The following UMAD1 variants were observed in gnomAD, a reference collection of about 807,000 sequenced individuals.
The protein encoded by UMAD1 is UBAP1-MVB12-associated (UMA)-domain containing protein 1.
Under a neutral mutation model 6.1 loss-of-function variants are expected in UMAD1, and 8 were observed. That is an observed-to-expected ratio of 1.30 (90% CI 0.76 to 2.35). UMAD1 has a LOEUF of 2.35. Among genes scored for constraint, UMAD1 ranks in the 30% most tolerant of loss-of-function variants. UMAD1 has a pLI of 0.00. For synonymous variants in UMAD1, 56 were observed against 31.4 expected (o/e 1.78, Z -2.61); for missense variants, 130 against 78.4 (o/e 1.66, Z -2.49).
chr7:7,825,217 G>A (rs1172717820), intron 3 of UMAD1, among the ~76,000 whole-genome samples: 1 of 151,834 alleles, frequency 6.6e-6, no homozygotes, highest in East Asian at 1.9e-4. Flanking sequence ...ATCCCCTCAG[G>A]GCCTACCCAT....
intron 2 of UMAD1, among the ~76,000 whole-genome samples, chr7:7,752,376 G>A (rs1367342523): frequency 6.6e-6 from 1 of 151,976 alleles, no homozygotes; most frequent in Non-Finnish European, 1.5e-5. Flanking sequence ...AATACGTATC[G>A]AGAAAGACAA....
chr7:7,776,065 C>G (rs1185917809), intron 2 of UMAD1, among the ~76,000 whole-genome samples: 3 of 151,838 alleles, frequency 2.0e-5, no homozygotes, highest in African/African-American at 7.3e-5. Context: ...TATACCAAAA[C>G]AAAACTATTT....
intron 1 of UMAD1, among the ~76,000 whole-genome samples, chr7:7,645,545 G>T (rs116495138): frequency 1.3e-5 from 2 of 152,148 alleles, no homozygotes; most frequent in Non-Finnish European, 2.9e-5. Flanking sequence ...CCCGCATTCA[G>T]CTTCCTTTAA....
chr7:7,850,164 A>G (rs937926638), intron 3 of UMAD1, among the ~76,000 whole-genome samples: 1 of 152,170 alleles, frequency 6.6e-6, no homozygotes, highest in Non-Finnish European at 1.5e-5. Flanking sequence ...TTTAAAAACT[A>G]TCTATCCCCA....
chr7:7,684,014 C>T (rs777140136), intron 2 of UMAD1, among the ~76,000 whole-genome samples: 29 of 152,182 alleles, frequency 1.9e-4, no homozygotes, highest in Admixed American at 4.6e-4. Flanking sequence ...AATCCATTGA[C>T]GCTCAACGCT....
At chr7:7,691,042 C>G (rs1032217925) in intron 2 of UMAD1, among the ~76,000 whole-genome samples, 3 of 152,074 alleles carry the variant, frequency 2.0e-5, no homozygotes, top group African/African-American at 7.2e-5. Context: ...ATGGTACAAA[C>G]CTGTATTTTT....
intron 1 of UMAD1, among the ~76,000 whole-genome samples, chr7:7,654,458 G>C (rs1785295890): frequency 2.0e-5 from 3 of 152,220 alleles, no homozygotes; most frequent in Admixed American, 2.0e-4. Context: ...CTAGGGGATT[G>C]GTTCCAGGAC....
At chr7:7,834,945 A>G (rs955660452) in intron 3 of UMAD1, among the ~76,000 whole-genome samples, 10 of 152,120 alleles carry the variant, frequency 6.6e-5, no homozygotes, top group African/African-American at 2.4e-4. Context: ...GAAGCAGAAG[A>G]GAGAGAGAAA....
At chr7:7,840,692 T>A (rs1783663570) in intron 3 of UMAD1, among the ~76,000 whole-genome samples, 2 of 152,310 alleles carry the variant, frequency 1.3e-5, no homozygotes, top group South Asian at 2.1e-4. Context: ...ATCATTATTA[T>A]TGACAGTGGC....
chr7:7,725,487 A>G (rs989763920), intron 2 of UMAD1, among the ~76,000 whole-genome samples: 1 of 152,350 alleles, frequency 6.6e-6, no homozygotes, highest in East Asian at 1.9e-4. Context: ...GAGCAAGGCC[A>G]TGCCATCTTT....
chr7:7,757,871 A>G (rs1000367249), intron 2 of UMAD1, among the ~76,000 whole-genome samples: 1 of 152,086 alleles, frequency 6.6e-6, no homozygotes, highest in Non-Finnish European at 1.5e-5. Flanking sequence ...TCCCGCCACC[A>G]TTCCAGAGGC....
intron 2 of UMAD1, among the ~76,000 whole-genome samples, chr7:7,795,416 A>G (rs1421960036): frequency 6.6e-6 from 1 of 152,156 alleles, no homozygotes; most frequent in Non-Finnish European, 1.5e-5. Context: ...CTTAAGAGAG[A>G]GGGAAGGAGA....
At chr7:7,675,810 C>T (rs1779725055) in intron 2 of UMAD1, among the ~76,000 whole-genome samples, 1 of 152,190 alleles carries the variant, frequency 6.6e-6, no homozygotes, top group Non-Finnish European at 1.5e-5. Context: ...GCAGCTGGTG[C>T]TGTACCTGGT....
intron 2 of UMAD1, among the ~76,000 whole-genome samples, chr7:7,709,623 T>A (rs1780700737): frequency 6.6e-6 from 1 of 152,274 alleles, no homozygotes; most frequent in Admixed American, 6.5e-5. Context: ...AGAAGTCATC[T>A]TTCCCTAACA....
At chr7:7,817,989 T>C (rs1783165569) in intron 3 of UMAD1, among the ~76,000 whole-genome samples, 1 of 152,166 alleles carries the variant, frequency 6.6e-6, no homozygotes, top group African/African-American at 2.4e-5. Context: ...AATTTTCTTT[T>C]TAAACTTTCA....
intron 3 of UMAD1, among the ~76,000 whole-genome samples, chr7:7,841,056 G>T (rs1783670693): frequency 6.6e-6 from 1 of 152,174 alleles, no homozygotes; most frequent in African/African-American, 2.4e-5. Context: ...CAGTGTACCT[G>T]TGCCAGGGTT....
Position 7,666,853 on chromosome 7 carries a change from T to A in UMAD1, c.-63-6456T>A, listed in dbSNP as rs145412187. Among the ~76,000 whole-genome samples the A allele has an allele frequency of 4.5e-3, 685 of 152,320 alleles. 2 individuals carry two copies. Among genetic ancestry groups the A allele is most frequent in the African/African-American group, 0.015 (638 of 41,576 alleles). ...GAAGTTTCACTCTTGTTGCCCAGGC[T>A]GGAGTGCAATGGTGGGGTCTCAGCT... On this transcript the variant is annotated intron_variant, in intron 1 of 3. Transcript: ENST00000682710.
chr7:7,717,372 C>G (rs1377074945), intron 2 of UMAD1, among the ~76,000 whole-genome samples: 2 of 152,120 alleles, frequency 1.3e-5, no homozygotes, highest in Admixed American at 1.3e-4. Context: ...TTTCTTTCAT[C>G]TATTAAAACT....
intron 3 of UMAD1, among the ~76,000 whole-genome samples, chr7:7,849,551 C>G (rs1343778179): frequency 6.6e-6 from 1 of 152,126 alleles, no homozygotes; most frequent in East Asian, 1.9e-4. Flanking sequence ...TGAAACCACT[C>G]TATGACCCAA....
Sources: allele counts gnomAD v4.1 joint callset (sites outside exome capture counted in the v4.1 genomes callset), GRCh38; gene constraint gnomAD v4.1.1; transcripts MANE v1.5; gene names NCBI Gene and HGNC (gene_info 2026-07-23, HGNC 2026-07-21).